Variants in RMDN2 observed in about 807,000 individuals in gnomAD.
The protein encoded by RMDN2 is regulator of microtubule dynamics protein 2.
RMDN2 carries 61 observed loss-of-function variants against 52.8 expected under a neutral mutation model. The ratio of observed to expected loss-of-function variants is 1.16; its 90% CI spans 0.94 to 1.43. The LOEUF is 1.43. Among genes scored for constraint, RMDN2 ranks in the 40% most tolerant of loss-of-function variants. The pLI is 0.00. For missense variants in RMDN2, 592 were observed against 475.3 expected (o/e 1.25, Z -2.28); for synonymous variants, 180 against 153.1 (o/e 1.18, Z -1.30).
intron 2 of RMDN2, among the ~76,000 whole-genome samples, chr2:37,936,131 T>C (rs1031197960): frequency 6.6e-6 from 1 of 152,166 alleles, no homozygotes; most frequent in African/African-American, 2.4e-5. Flanking sequence ...CTCCCAGTTA[T>C]AGTGAGAACA....
chr2:37,929,410 C>A lies in RMDN2; in HGVS notation c.133C>A (p.Leu45Met), dbSNP rs776609152. The A allele has an allele frequency of 2.6e-5, 41 of 1,551,364 alleles. No individual in the cohort carries two copies. Among genetic ancestry groups the A allele is most frequent in the Non-Finnish European group, 3.3e-5 (38 of 1,146,784 alleles). Residue 45 changes from leucine to methionine, a missense_variant, in exon 2 of 11, where the codon CTG becomes ATG. By Grantham distance (15) the Leu-to-Met change is conservative. Transcript: ENST00000354545. ...AATGAAGTTACCTGAATTTCTTTCT[C>A]TGGGTAATACATTTAATTCAATAAC... The part of the protein sequence containing the change: ...IAMKLPEFLS[L>M]GNTFNSITLQ...
chr2:38,035,162 A>G (rs1680489230), intron 10 of RMDN2, among the ~76,000 whole-genome samples: 1 of 152,208 alleles, frequency 6.6e-6, no homozygotes, highest in Non-Finnish European at 1.5e-5. Flanking sequence ...ATCAGTAGCC[A>G]TGACAAATAC....
chr2:38,013,203 C>T (rs1037155237), intron 10 of RMDN2, among the ~76,000 whole-genome samples: 2 of 152,214 alleles, frequency 1.3e-5, no homozygotes, highest in Non-Finnish European at 2.9e-5. Context: ...ATAATGACTT[C>T]ACTGGCAACC....
intron 10 of RMDN2, among the ~76,000 whole-genome samples, chr2:38,059,341 C>A (rs145502952): frequency 0.023 from 3,519 of 152,174 alleles, 135 homozygotes; most frequent in African/African-American, 0.08. Flanking sequence ...ATTATTTGGG[C>A]AGTGATCATA....
At chr2:38,062,499 T>G (rs1395859838) in intron 10 of RMDN2, among the ~76,000 whole-genome samples, 1 of 152,218 alleles carries the variant, frequency 6.6e-6, no homozygotes, top group African/African-American at 2.4e-5. Flanking sequence ...TTGTTTTCAG[T>G]ATGAAGTCAT....
At chr2:37,974,278 C>A in intron 3 of RMDN2, 64 bp downstream of exon 3, 1 of 1,054,140 alleles carries the variant, frequency 9.5e-7, no homozygotes, top group Admixed American at 2.7e-5. Context: ...CCATCTGTTT[C>A]AGTTATAACT....
Position 37,975,255 on chromosome 2 carries a change from A to C in RMDN2, c.671A>C (p.Tyr224Ser). 6.2e-7 allele frequency: 1 copy of C among 1,611,584 alleles called. No homozygotes were observed. Among genetic ancestry groups the C allele is most frequent in the Non-Finnish European group, 8.5e-7 (1 of 1,177,826 alleles). ...TTTATGTGGCGATTTGCTCGTGCTT[A>C]TGGAGACATGTATGAACTATCTACA... is the stretch of plus-strand genomic sequence containing the variant. Reference protein sequence around the residue: ...IEFMWRFARAYGDMYELSTNT... With the variant: ...IEFMWRFARASGDMYELSTNT... Residue 224 changes from tyrosine to serine, a missense_variant, in exon 4 of 11, where the codon TAT (tyrosine) becomes TCT (serine). Physicochemically the swap from Tyr to Ser is moderately radical, Grantham distance 144 (BLOSUM62 -2). Coordinates refer to ENST00000354545, the MANE Select transcript of RMDN2 (RefSeq NM_001170791.3).
At chr2:37,932,074 T>C (rs1056680066) in intron 2 of RMDN2, among the ~76,000 whole-genome samples, 1 of 152,146 alleles carries the variant, frequency 6.6e-6, no homozygotes, top group African/African-American at 2.4e-5. Context: ...TATTTATTTA[T>C]TTTTTTAATT....
chr2:37,967,916 A>G (rs929573551), intron 2 of RMDN2, among the ~76,000 whole-genome samples: 20 of 152,214 alleles, frequency 1.3e-4, no homozygotes, highest in Non-Finnish European at 1.3e-4. Context: ...GATGGACTAA[A>G]TGGCTGGTAT....
chr2:37,949,021 G>C (rs1668471472), intron 2 of RMDN2, among the ~76,000 whole-genome samples: 1 of 152,134 alleles, frequency 6.6e-6, no homozygotes, highest in African/African-American at 2.4e-5. Context: ...AACTTTATAA[G>C]CATTACGTAT....
At chr2:37,926,734 C>T (rs527810773) in intron 1 of RMDN2, among the ~76,000 whole-genome samples, 1 of 152,146 alleles carries the variant, frequency 6.6e-6, no homozygotes, top group Admixed American at 6.5e-5. Flanking sequence ...CCCAGGAGTT[C>T]GGGACCAGCC....
chr2:37,932,485 A>G (rs1175985361), intron 2 of RMDN2, among the ~76,000 whole-genome samples: 9 of 150,346 alleles, frequency 6.0e-5, no homozygotes, highest in Non-Finnish European at 1.3e-4. Context: ...CACGGCAACC[A>G]TCCGATTTCT....
chr2:37,925,314 C>A lies in RMDN2; in HGVS notation c.-128C>A, dbSNP rs1368941757. 6.6e-6 allele frequency: 1 copy of A among 152,214 alleles called. No individual in the cohort carries two copies. The highest frequency in any genetic ancestry group is 1.5e-5 in the Non-Finnish European group (1 of 68,068). The allele number at this position is 152,214 out of a possible 1,614,324, so 9.4% of individuals were successfully genotyped here. A position where few individuals can be genotyped will look rare whatever the true frequency, so the allele number is the denominator to read the frequency against. On this transcript the variant is annotated 5_prime_UTR_variant, in exon 1 of 11. Transcript: ENST00000354545. ...CTGGGTCAGGACGCGACGGCCGCGG[C>A]GCGGGACCTTAGGACCCGCGGGCTC...
Position 37,942,235 on chromosome 2 carries a change from C to T in RMDN2, c.452+12506C>T, listed in dbSNP as rs554871153. On this transcript the variant is annotated intron_variant, in intron 2 of 10. Coordinates refer to ENST00000354545, the MANE Select transcript of RMDN2 (RefSeq NM_001170791.3). ...CCTCACCCTCCATAGGCTGCACCCA[C>T]TGTCTAACCTGTCCCAATGAGATGC... is the stretch of plus-strand genomic sequence containing the variant. Among the ~76,000 whole-genome samples, 5 of 152,306 alleles carry T rather than the reference C, an allele frequency of 3.3e-5. No homozygotes were observed. The East Asian group carries it at 7.7e-4, about 24-fold the overall frequency.
chr2:37,989,926 G>A (rs1317637996), intron 6 of RMDN2, among the ~76,000 whole-genome samples: 1 of 151,504 alleles, frequency 6.6e-6, no homozygotes, highest in Non-Finnish European at 1.5e-5. Flanking sequence ...GGTGGATCAC[G>A]AGGTCAGGAG....
In RMDN2 at chr2:38,017,185, G is replaced by A. The variant is rs958949748; in HGVS notation, c.1180-1G>A. On this transcript the variant is annotated splice_acceptor_variant, in intron 10 of 10. Coordinates refer to ENST00000354545, the MANE Select transcript of RMDN2 (RefSeq NM_001170791.3). LOFTEE classifies it high-confidence loss of function. ...ATTATGTATTTGTATTTTCTTTATAGGATAAAGAGGCACAGAAAGAGATGC... is the reference window on the plus strand; with the variant it reads ...ATTATGTATTTGTATTTTCTTTATAAGATAAAGAGGCACAGAAAGAGATGC... 2.0e-6 allele frequency: 3 copies of A among 1,507,580 alleles called. No individual in the cohort carries two copies. In the African/African-American group the frequency reaches 4.2e-5, roughly 21 times the overall value. 93.4% of individuals were successfully genotyped at this position (1,507,580 alleles called of 1,614,324 possible).
intron 10 of RMDN2, among the ~76,000 whole-genome samples, chr2:38,006,576 G>A (rs1677118063): frequency 6.6e-6 from 1 of 152,188 alleles, no homozygotes; most frequent in Non-Finnish European, 1.5e-5. Flanking sequence ...CTTTGCTGAA[G>A]TTGCCTATCA....
intron 10 of RMDN2, among the ~76,000 whole-genome samples, chr2:38,005,627 A>G (rs2125199933): frequency 6.6e-6 from 1 of 152,286 alleles, no homozygotes; most frequent in East Asian, 1.9e-4. Flanking sequence ...AGTAGATTGC[A>G]AAAATTTTCT....
At chr2:37,997,666 G>C (rs1216376720) in intron 8 of RMDN2, 152 bp downstream of exon 8, 1 of 607,022 alleles carries the variant, frequency 1.6e-6, no homozygotes, top group Non-Finnish European at 2.9e-6. Context: ...CATAATGCAA[G>C]TTATTAATAT....
Sources: gnomAD v4.1 joint callset for allele counts (sites outside exome capture counted in the v4.1 genomes callset) on GRCh38, gnomAD v4.1.1 for gene constraint, MANE v1.5 for transcripts, NCBI Gene and HGNC (gene_info 2026-07-23, HGNC 2026-07-21) for gene names.